C1QTNF3: variants seen among roughly 807,000 people sequenced by gnomAD.
The protein encoded by C1QTNF3 is complement C1q tumor necrosis factor-related protein 3.
Under a neutral mutation model 32.6 loss-of-function variants are expected in C1QTNF3, and 26 were observed. The ratio of observed to expected loss-of-function variants is 0.80; its 90% CI spans 0.58 to 1.11. The LOEUF is 1.11. Ranked by LOEUF, C1QTNF3 falls within the 50% of genes least tolerant of loss-of-function variation. The pLI is 0.00. For missense variants in C1QTNF3, 362 were observed against 398.2 expected (o/e 0.91, Z 0.77); for synonymous variants, 155 against 146.0 (o/e 1.06, Z -0.44).
chr5:34,133,771 T>C, the C1QTNF3 span, among the ~76,000 whole-genome samples: 3 of 152,190 alleles, frequency 2.0e-5, no homozygotes, highest in Non-Finnish European at 2.9e-5. Flanking sequence ...AACATAATTA[T>C]GATAAAGAAG....
At chr5:34,059,439 T>G in the C1QTNF3 span, among the ~76,000 whole-genome samples, 1 of 152,180 alleles carries the variant, frequency 6.6e-6, no homozygotes. Flanking sequence ...AAGTATTTAT[T>G]TCTCACAGTT....
intron 4 of C1QTNF3, among the ~76,000 whole-genome samples, chr5:34,025,304 T>TA (rs1290392972): frequency 4.6e-5 from 7 of 152,322 alleles, no homozygotes; most frequent in African/African-American, 1.4e-4. Context: ...CTCAAGAAGA[T>TA]AAAGCTGAAA....
the C1QTNF3 span, among the ~76,000 whole-genome samples, chr5:34,087,863 C>T: frequency 1.3e-5 from 2 of 152,234 alleles, no homozygotes; most frequent in African/African-American, 2.4e-5. Context: ...GGATTACAGG[C>T]ATGAGCCACT....
At chr5:34,224,366 A>G in the C1QTNF3 span, among the ~76,000 whole-genome samples, 1 of 152,230 alleles carries the variant, frequency 6.6e-6, no homozygotes, top group Non-Finnish European at 1.5e-5. Flanking sequence ...CCAAAAGAAC[A>G]AAGCTGGAGG....
chr5:34,061,813 G>A, the C1QTNF3 span, among the ~76,000 whole-genome samples: 1 of 152,158 alleles, frequency 6.6e-6, no homozygotes, highest in African/African-American at 2.4e-5. Context: ...AGGGACTTCT[G>A]TGAAGACCTC....
the C1QTNF3 span, among the ~76,000 whole-genome samples, chr5:34,204,478 AC>A: frequency 2.0e-5 from 3 of 152,206 alleles, no homozygotes; most frequent in African/African-American, 7.2e-5. Flanking sequence ...TTTAAGTGAA[AC>A]AAATCAGACA....
At chr5:34,177,480 C>CT in the C1QTNF3 span, among the ~76,000 whole-genome samples, 46,441 of 84,820 alleles carry the variant, frequency 0.55, 13,691 homozygotes, top group African/African-American at 0.59. Flanking sequence ...CCATACCCAA[C>CT]TTTTTTTTTT....
chr5:34,075,431 C>G, the C1QTNF3 span, among the ~76,000 whole-genome samples: 1 of 151,446 alleles, frequency 6.6e-6, no homozygotes, highest in Admixed American at 6.6e-5. Context: ...TCTAGTAGAA[C>G]TGAGTATTAA....
chr5:34,145,926 TA>T, the C1QTNF3 span, among the ~76,000 whole-genome samples: 15 of 151,784 alleles, frequency 9.9e-5, no homozygotes, highest in East Asian at 2.5e-3. Context: ...TCAACAGATA[TA>T]AAAAAAAGAC....
chr5:34,162,181 T>C, the C1QTNF3 span, among the ~76,000 whole-genome samples: 1 of 152,182 alleles, frequency 6.6e-6, no homozygotes, highest in Admixed American at 6.6e-5. Flanking sequence ...CCATGGTTCA[T>C]GGTTCTGGAG....
chr5:34,201,286 A>G, the C1QTNF3 span, among the ~76,000 whole-genome samples: 1 of 152,204 alleles, frequency 6.6e-6, no homozygotes, highest in Non-Finnish European at 1.5e-5. Context: ...AAAAATCCCA[A>G]GACTTTTAGG....
chr5:34,133,183 T>C, the C1QTNF3 span, among the ~76,000 whole-genome samples: 1 of 152,190 alleles, frequency 6.6e-6, no homozygotes, highest in South Asian at 2.1e-4. Context: ...TTAAATCTTC[T>C]ACCTTCTCAA....
At chr5:34,238,324 C>T in the C1QTNF3 span, among the ~76,000 whole-genome samples, 1 of 152,100 alleles carries the variant, frequency 6.6e-6, no homozygotes, top group Admixed American at 6.5e-5. Context: ...TACAGAACCT[C>T]GATGGCAGGG....
the C1QTNF3 span, among the ~76,000 whole-genome samples, chr5:34,121,891 C>T: frequency 5.3e-5 from 8 of 152,016 alleles, no homozygotes; most frequent in Admixed American, 3.3e-4. Flanking sequence ...TGAGCTGTTC[C>T]GCCATTTGAA....
chr5:34,037,938 A>G (rs1039931722), intron 1 of C1QTNF3, among the ~76,000 whole-genome samples: 1 of 152,208 alleles, frequency 6.6e-6, no homozygotes, highest in Non-Finnish European at 1.5e-5. Context: ...GGGCTCTGCC[A>G]ATGATGAATT....
chr5:34,161,204 G>T, the C1QTNF3 span, among the ~76,000 whole-genome samples: 1 of 152,096 alleles, frequency 6.6e-6, no homozygotes, highest in African/African-American at 2.4e-5. Flanking sequence ...GGTTACAAAC[G>T]CTGCCCATTC....
chr5:34,197,789 G>A, the C1QTNF3 span, among the ~76,000 whole-genome samples: 5 of 152,118 alleles, frequency 3.3e-5, no homozygotes, highest in East Asian at 9.7e-4. Flanking sequence ...CAACAGAAAT[G>A]TTTCTAATGG....
At chr5:34,140,249 T>C in the C1QTNF3 span, among the ~76,000 whole-genome samples, 1 of 152,208 alleles carries the variant, frequency 6.6e-6, no homozygotes, top group Non-Finnish European at 1.5e-5. Flanking sequence ...ACTGTACCAG[T>C]AATTCGTGAA....
chr5:34,146,930 A>G, the C1QTNF3 span, among the ~76,000 whole-genome samples: 1 of 152,240 alleles, frequency 6.6e-6, no homozygotes, highest in Non-Finnish European at 1.5e-5. Context: ...GTATCTGACA[A>G]AAGTCTGATA....
Sources: allele counts gnomAD v4.1 joint callset (sites outside exome capture counted in the v4.1 genomes callset), GRCh38; gene constraint gnomAD v4.1.1; transcripts MANE v1.5; gene names NCBI Gene and HGNC (gene_info 2026-07-23, HGNC 2026-07-21).